The following FLG variants were observed in gnomAD, a reference collection of about 807,000 sequenced individuals.
FLG encodes the protein filaggrin.
Under a neutral mutation model 3.8 loss-of-function variants are expected in FLG, and 6 were observed. The ratio of observed to expected loss-of-function variants is 1.60; its 90% CI spans 0.87 to 3.15. The LOEUF is 3.15. FLG is among the 30% of genes most tolerant of loss of function. The pLI is 0.00. For missense variants in FLG, 7,595 were observed against 5,050.9 expected (o/e 1.50, Z -15.27); for synonymous variants, 2,551 against 1,931.6 (o/e 1.32, Z -8.41).
At position 152,313,430 on chromosome 1, in the gene FLG, C is replaced by T. The variant is rs142634697; in HGVS notation, c.1456G>A (p.Gly486Arg). The T allele has an allele frequency of 5.3e-5, 85 of 1,613,730 alleles. No homozygotes were observed. The highest frequency in any genetic ancestry group is 3.2e-4 in the South Asian group (29 of 91,050). Residue 486 changes from glycine to arginine, a missense_variant, in exon 3 of 3, where the codon GGG becomes AGG. Coordinates refer to ENST00000368799, the MANE Select transcript of FLG (RefSeq NM_002016.2). Reference protein sequence around the residue: ...EQPDSAHGRTGTSTGGRQGSH... With the variant: ...EQPDSAHGRTRTSTGGRQGSH... ...CCTTGTCTTCCTCCAGTGCTGGTCC[C>T]GGTCCGTCCATGGGCAGAGTCAGGC...
chr1:152,312,520 C>T lies in FLG; in HGVS notation c.2366G>A (p.Arg789His), dbSNP rs147308729. 2,869 of 1,613,490 alleles carry T rather than the reference C, an allele frequency of 1.8e-3. 11 individuals are homozygous for T. The highest frequency in any genetic ancestry group is 1.8e-3 in the Admixed American group (109 of 59,978). ...CACCTGGTAGAGGAAAGACCCTGAA[C>T]GTCGAGACCTTTCCCCTGACCGGTC... ...ARDRSGERSRRSGSFLYQVST... is the reference protein window; with the variant it reads ...ARDRSGERSRHSGSFLYQVST... Residue 789 changes from arginine to histidine, a missense_variant, in exon 3 of 3, where the codon CGT (arginine) becomes CAT (histidine). Physicochemically the swap from Arg to His is conservative, Grantham distance 29 (BLOSUM62 0). Transcript: ENST00000368799.
At position 152,311,270 on chromosome 1, in the gene FLG, C is replaced by T. The variant is rs776312273; in HGVS notation, c.3616G>A (p.Ala1206Thr). The part of the protein sequence containing the change: ...SHTTSQGRSD[A>T]SHGQSGSRSA... Reference sequence around the variant, plus strand: ...CTGGATCCTGACTGCCCATGGGAGGCATCAGACCTTCCCTGGGATGTGGTG... The same window carrying T: ...CTGGATCCTGACTGCCCATGGGAGGTATCAGACCTTCCCTGGGATGTGGTG... Residue 1206 changes from alanine (A) to threonine (T), a missense_variant, in exon 3 of 3, where the codon GCC becomes ACC. Transcript: ENST00000368799. 6 of 1,613,836 alleles carry T rather than the reference C, an allele frequency of 3.7e-6. No individual in the cohort carries two copies. Among genetic ancestry groups the T allele is most frequent in the Non-Finnish European group, 2.5e-6 (3 of 1,179,960 alleles).
rs761275108 is a variant in FLG, at chr1:152,309,341, G to T, written c.5545C>A (p.Gln1849Lys). 2.5e-6 allele frequency: 4 copies of T among 1,613,830 alleles called. No homozygotes were observed. The highest frequency in any genetic ancestry group is 3.4e-6 in the Non-Finnish European group (4 of 1,179,986). ...SGSHHSHTTSQERSDVSRGQS... is the reference protein window; with the variant it reads ...SGSHHSHTTSKERSDVSRGQS... ...CCACGGGAGACATCAGACCTTTCCT[G>T]GGACGTGGTGTGGCTGTGATGAGAC... Residue 1849 changes from glutamine (Q) to lysine (K), a missense_variant, in exon 3 of 3, where the codon CAG (glutamine) becomes AAG (lysine). By Grantham distance (53) the Gln-to-Lys change is moderately conservative. Coordinates refer to ENST00000368799, the MANE Select transcript of FLG (RefSeq NM_002016.2).
At position 152,305,102 on chromosome 1, in the gene FLG, C is replaced by T. The variant is rs537701370; in HGVS notation, c.9784G>A (p.Ala3262Thr). Residue 3262 changes from alanine to threonine, a missense_variant, in exon 3 of 3, where the codon GCC becomes ACC. Ala to Thr is a moderately conservative substitution (Grantham distance 58). Coordinates refer to ENST00000368799, the MANE Select transcript of FLG (RefSeq NM_002016.2). ...CGGTCTGCAGAGTGCCCGTGACCGGCTCTGTCTTCGTGATGGGACCTGGGG... is the reference window on the plus strand; with the variant it reads ...CGGTCTGCAGAGTGCCCGTGACCGGTTCTGTCTTCGTGATGGGACCTGGGG... ...RHPRSHHEDR[A>T]GHGHSADRSR... The T allele has an allele frequency of 2.0e-5, 32 of 1,613,882 alleles. 2 individuals are homozygous for T. The East Asian group carries it at 7.1e-4, about 36-fold the overall frequency.
Position 152,310,738 on chromosome 1 carries a change from C to G in FLG, c.4148G>C (p.Arg1383Thr), listed in dbSNP as rs1192914691. The G allele has an allele frequency of 1.9e-6, 3 of 1,613,974 alleles. No individual in the cohort carries two copies. In the African/African-American group the frequency reaches 4.0e-5, roughly 22 times the overall value. The change falls in exon 3 of 3, where the codon AGA becomes ACA. Residue 1383 changes from arginine (R) to threonine (T), a missense_variant. Arg to Thr is a moderately conservative substitution (Grantham distance 71). Transcript: ENST00000368799. The part of the protein sequence containing the change: ...IGHRQASSAV[R>T]DSGHRGSSGS... ...ACTGGACCCTCGGTGTCCACTGTCT[C>G]TGACTGCAGATGAAGCTTGTCTGTG...
In FLG at chr1:152,310,931, G is replaced by A. The variant is rs763346643; in HGVS notation, c.3955C>T (p.His1319Tyr). 3.7e-6 allele frequency: 6 copies of A among 1,614,046 alleles called. No individual in the cohort carries two copies. In the South Asian group the frequency reaches 6.6e-5, roughly 18 times the overall value. Residue 1319 changes from histidine (H) to tyrosine (Y), a missense_variant, in exon 3 of 3, where the codon CAC becomes TAC. Transcript: ENST00000368799. ...PGFHQEDRAS[H>Y]GHSADSSRQS... ...CTGGAGCTGTCTGCAGAGTGCCCGT[G>A]ACTGGCTCTGTCTTCTTGATGGAAC...
chr1:152,308,862 G>A lies in FLG; in HGVS notation c.6024C>T (p.His2008=). The A allele has an allele frequency of 6.2e-7, 1 of 1,614,190 alleles. No individual in the cohort carries two copies. Among genetic ancestry groups the A allele is most frequent in the Non-Finnish European group, 8.5e-7 (1 of 1,180,030 alleles). ...AGCTGTCTGCTGACTGGAGCTGGTGGTGGGATCCATGTCTTTCTCCTGCAC... is the reference window on the plus strand; with the variant it reads ...AGCTGTCTGCTGACTGGAGCTGGTGATGGGATCCATGTCTTTCTCCTGCAC... ...RSSAGERHGS[H]HQLQSADSSR... is the part of the protein sequence containing the mutation. Residue 2008 remains histidine, a synonymous_variant, in exon 3 of 3, where the codon CAC becomes CAT. Coordinates refer to ENST00000368799, the MANE Select transcript of FLG (RefSeq NM_002016.2).
rs145675213 is a variant in FLG at position 152,310,480 on chromosome 1, C to A, written c.4406G>T (p.Arg1469Leu). ...APSTGGRQGS[R>L]HEQARNSSRH... ...AGAGCTGTTTCGTGCCTGCTCATGG[C>A]GGGATCCTTGTCTTCCTCCAGTGCT... Residue 1469 changes from arginine to leucine, a missense_variant, in exon 3 of 3, where the codon CGC (arginine) becomes CTC (leucine). Coordinates refer to ENST00000368799, the MANE Select transcript of FLG (RefSeq NM_002016.2). 1 of 1,613,658 alleles carries A rather than the reference C, an allele frequency of 6.2e-7. No individual in the cohort carries two copies. The highest frequency in any genetic ancestry group is 8.5e-7 in the Non-Finnish European group (1 of 1,179,860).
In FLG at chr1:152,310,926, C is replaced by A. The variant is rs761326457; in HGVS notation, c.3960G>T (p.Gly1320=). 5.6e-6 allele frequency: 9 copies of A among 1,613,986 alleles called. No homozygotes were observed. In the South Asian group the frequency reaches 7.7e-5, roughly 14 times the overall value. ...GFHQEDRASH[G]HSADSSRQSG... is the part of the protein sequence containing the mutation. Reference sequence around the variant, plus strand: ...ATTGTCTGGAGCTGTCTGCAGAGTGCCCGTGACTGGCTCTGTCTTCTTGAT... The same window carrying A: ...ATTGTCTGGAGCTGTCTGCAGAGTGACCGTGACTGGCTCTGTCTTCTTGAT... The change falls in exon 3 of 3, where the codon GGG becomes GGT. Residue 1320 remains glycine, a synonymous_variant. Coordinates refer to ENST00000368799, the MANE Select transcript of FLG (RefSeq NM_002016.2).
rs773378813 is a variant in FLG, at chr1:152,308,220, G to T, written c.6666C>A (p.His2222Gln). 24 of 1,614,060 alleles carry T rather than the reference G, an allele frequency of 1.5e-5. No homozygotes were observed. The highest frequency in any genetic ancestry group is 1.9e-5 in the Non-Finnish European group (23 of 1,179,984). ...EASSWADSSR[H>Q]SLVGQGQSSG... ...ATGATTGTCCCTGGCCCACCAGTGA[G>T]TGTCTAGAGCTGTCGGCCCAAGAGG... The change falls in exon 3 of 3, where the codon CAC (histidine) becomes CAA (glutamine). Residue 2222 changes from histidine (H) to glutamine (Q), a missense_variant. Physicochemically the swap from His to Gln is conservative, Grantham distance 24 (BLOSUM62 0). Coordinates refer to ENST00000368799, the MANE Select transcript of FLG (RefSeq NM_002016.2).
At position 152,307,108 on chromosome 1, in the gene FLG, C is replaced by A. The variant is rs144524483; in HGVS notation, c.7778G>T (p.Gly2593Val). Residue 2593 changes from glycine to valine, a missense_variant, in exon 3 of 3, where the codon GGA (glycine) becomes GTA (valine). Physicochemically the swap from Gly to Val is moderately radical, Grantham distance 109. Transcript: ENST00000368799. ...WSGSASRNHHGSAQEQLRDGS... is the reference protein window; with the variant it reads ...WSGSASRNHHVSAQEQLRDGS... ...ATCTCTTAGCTGCTCCTGAGCAGAT[C>A]CATGATGGTTTCTGGAAGCAGACCC... The A allele has an allele frequency of 2.5e-6, 4 of 1,611,294 alleles. No homozygotes were observed. Among genetic ancestry groups the A allele is most frequent in the East Asian group, 2.2e-5 (1 of 44,724 alleles).
intron 1 of FLG, among the ~76,000 whole-genome samples, chr1:152,324,339 G>T (rs1016816557): frequency 6.6e-6 from 1 of 151,792 alleles, no homozygotes; most frequent in Non-Finnish European, 1.5e-5. Context: ...CATGAGCTAC[G>T]CTGTCTAGCT....
rs1432255409 is a variant in FLG, at chr1:152,307,491, G to C, written c.7395C>G (p.His2465Gln). Reference protein sequence around the residue: ...SQEGQDTIHGHPGSSSGGRQG... With the variant: ...SQEGQDTIHGQPGSSSGGRQG... ...GCCTTCCTCCACTGCTTGACCCCGG[G>C]TGTCCATGAATGGTGTCCTGACCCT... Residue 2465 changes from histidine (H) to glutamine (Q), a missense_variant, in exon 3 of 3, where the codon CAC becomes CAG. By Grantham distance (24) the His-to-Gln change is conservative. Coordinates refer to ENST00000368799, the MANE Select transcript of FLG (RefSeq NM_002016.2). 1 of 1,613,318 alleles carries C rather than the reference G, an allele frequency of 6.2e-7. No individual in the cohort carries two copies. The highest frequency in any genetic ancestry group is 1.3e-5 in the African/African-American group (1 of 74,738).
Position 152,313,543 on chromosome 1 carries a change from T to A in FLG, c.1343A>T (p.Gln448Leu). The A allele has an allele frequency of 3.7e-6, 6 of 1,613,642 alleles. No homozygotes were observed. Among genetic ancestry groups the A allele is most frequent in the Non-Finnish European group, 5.1e-6 (6 of 1,179,812 alleles). ...SGHGKAGLRQ[Q>L]SHQESTRGRS... Reference sequence around the variant, plus strand: ...GCCACGTGTGGACTCTTGGTGGCTCTGCTGTCTCAGCCCAGCCTTTCCGTG... The same window carrying A: ...GCCACGTGTGGACTCTTGGTGGCTCAGCTGTCTCAGCCCAGCCTTTCCGTG... The change falls in exon 3 of 3, where the codon CAG becomes CTG. Residue 448 changes from glutamine to leucine, a missense_variant. By Grantham distance (113) the Gln-to-Leu change is moderately radical. Coordinates refer to ENST00000368799, the MANE Select transcript of FLG (RefSeq NM_002016.2).
In FLG at chr1:152,304,579, C is replaced by G. The variant is rs2065955; in HGVS notation, c.10307G>C (p.Gly3436Ala). Residue 3436 changes from glycine (G) to alanine (A), a missense_variant, in exon 3 of 3, where the codon GGA becomes GCA. By Grantham distance (60) the Gly-to-Ala change is moderately conservative (BLOSUM62 0). Transcript: ENST00000368799. ...TCCTCTTCTGCTTGACCCCGGGTGT[C>G]CACGAATGGTGTCCTGACCCTCTTG... is the stretch of plus-strand genomic sequence containing the variant. The part of the protein sequence containing the change: ...ASQEGQDTIR[G>A]HPGSSRRGRQ... 334,258 of 1,608,322 alleles carry G rather than the reference C, an allele frequency of 0.21. 54,355 individuals are homozygous for G. The highest frequency in any genetic ancestry group is 0.7 in the African/African-American group (51,509 of 73,618).
Position 152,305,170 on chromosome 1 carries a change from T to A in FLG, c.9716A>T (p.His3239Leu), listed in dbSNP as rs763076291. ...ERWSGSASRNHRGSVQEQSRH... is the reference protein window; with the variant it reads ...ERWSGSASRNLRGSVQEQSRH... ...TGACTGCTCCTGAACAGATCCACGA[T>A]GGTTTCTGGAAGCAGACCCAGACCA... Residue 3239 changes from histidine (H) to leucine (L), a missense_variant, in exon 3 of 3, where the codon CAT becomes CTT. His to Leu is a moderately conservative substitution (Grantham distance 99). Coordinates refer to ENST00000368799, the MANE Select transcript of FLG (RefSeq NM_002016.2). 1.3e-5 allele frequency: 21 copies of A among 1,613,798 alleles called. No individual in the cohort carries two copies. Among genetic ancestry groups the A allele is most frequent in the Non-Finnish European group, 1.6e-5 (19 of 1,179,960 alleles).
Position 152,310,280 on chromosome 1 carries a change from C to T in FLG, c.4606G>A (p.Gly1536Arg), listed in dbSNP as rs754487205. 1 of 1,613,854 alleles carries T rather than the reference C, an allele frequency of 6.2e-7. No individual in the cohort carries two copies. The highest frequency in any genetic ancestry group is 8.5e-7 in the Non-Finnish European group (1 of 1,179,980). ...GRSDASHGQSGPRSASRQTRN... is the reference protein window; with the variant it reads ...GRSDASHGQSRPRSASRQTRN... ...GTTTGCCTGCTTGCACTTCTGGGTC[C>T]TGACTGCCCATGGGAGGCATCAGAC... The change falls in exon 3 of 3, where the codon GGA (glycine) becomes AGA (arginine). Residue 1536 changes from glycine to arginine, a missense_variant. Transcript: ENST00000368799.
chr1:152,303,096 G>T lies in FLG; in HGVS notation c.11790C>A (p.His3930Gln). 1 of 1,614,184 alleles carries T rather than the reference G, an allele frequency of 6.2e-7. No individual in the cohort carries two copies. The highest frequency in any genetic ancestry group is 2.2e-5 in the East Asian group (1 of 44,872). ...CAGAATCTTGTGAAAGACTACTAAA[G>T]TGACCATGTTCCTTAGCGGTACTAG... ...SDSSTAKEHG[H>Q]FSSLSQDSAY... Residue 3930 changes from histidine (H) to glutamine (Q), a missense_variant, in exon 3 of 3, where the codon CAC (histidine) becomes CAA (glutamine). By Grantham distance (24) the His-to-Gln change is conservative. Transcript: ENST00000368799.
At position 152,305,810 on chromosome 1, in the gene FLG, A is replaced by G; in HGVS notation, c.9076T>C (p.Ser3026Pro). 1.9e-6 allele frequency: 2 copies of G among 1,042,952 alleles called. No homozygotes were observed. The highest frequency in any genetic ancestry group is 1.3e-6 in the Non-Finnish European group (1 of 751,386). 64.6% of individuals were successfully genotyped at this position (1,042,952 alleles called of 1,614,324 possible). A position where few individuals can be genotyped will look rare whatever the true frequency, so the allele number is the denominator to read the frequency against. ...ASDNEGHSED[S>P]DTQSVSAHGQ... ...TGGGCTGACACTGACTGTGTGTCTG[A>G]GTCTTCTGAATGTCCCTCATTGTCA... The change falls in exon 3 of 3, where the codon TCA becomes CCA. Residue 3026 changes from serine (S) to proline (P), a missense_variant. Ser to Pro is a moderately conservative substitution (Grantham distance 74, BLOSUM62 -1). Coordinates refer to ENST00000368799, the MANE Select transcript of FLG (RefSeq NM_002016.2).
Sources: gnomAD v4.1 joint callset for allele counts (sites outside exome capture counted in the v4.1 genomes callset) on GRCh38, gnomAD v4.1.1 for gene constraint, MANE v1.5 for transcripts, NCBI Gene and HGNC (gene_info 2026-07-23, HGNC 2026-07-21) for gene names.